The following STXBP5L variants were observed in gnomAD, a reference collection of about 807,000 sequenced individuals.
The protein encoded by STXBP5L is syntaxin binding protein 5L, also known as syntaxin-binding protein 5-like.
In STXBP5L, 65 loss-of-function variants were observed where a neutral mutation model predicts 144.5. The observed-to-expected ratio is 0.45, with a 90% CI of 0.37 to 0.55. The LOEUF is 0.55. Among genes scored for constraint, STXBP5L ranks in the 20% least tolerant of loss-of-function variants. STXBP5L has a pLI of 0.00. For synonymous variants in STXBP5L, 505 were observed against 469.6 expected, an observed-to-expected ratio of 1.08 and a Z score of -0.97; for missense variants, 1,298 against 1,405.5, an observed-to-expected ratio of 0.92 and a Z score of 1.22.
At chr3:121,187,505 A>G (rs960862999) in intron 9 of STXBP5L, among the ~76,000 whole-genome samples, 3 of 151,924 alleles carry the variant, frequency 2.0e-5, no homozygotes, top group African/African-American at 4.8e-5. Context: ...ACATGTATAC[A>G]TATGTAACAA....
chr3:121,297,202 ATGTGTGTGTGTGTGTGTGTG>A (rs71133526), intron 19 of STXBP5L, among the ~76,000 whole-genome samples: 1 of 148,228 alleles, frequency 6.7e-6, no homozygotes, highest in South Asian at 2.2e-4. Context: ...TCTACATTAT[ATGTGTGTGTGTGTGTGTGTG>A]TGTGTGTGTG....
intron 20 of STXBP5L, among the ~76,000 whole-genome samples, chr3:121,340,190 T>C (rs1367116752): frequency 6.6e-6 from 1 of 152,118 alleles, no homozygotes; most frequent in Non-Finnish European, 1.5e-5. Context: ...AAGATGTTAC[T>C]GGTATAAAAG....
At chr3:120,953,250 A>G (rs1346088677) in intron 2 of STXBP5L, among the ~76,000 whole-genome samples, 1 of 152,088 alleles carries the variant, frequency 6.6e-6, no homozygotes, top group East Asian at 1.9e-4. Context: ...ACTCATTATA[A>G]ATAAGCAGCA....
intron 3 of STXBP5L, among the ~76,000 whole-genome samples, chr3:121,033,216 A>G (rs1946498133): frequency 7.0e-6 from 1 of 142,270 alleles, no homozygotes; most frequent in South Asian, 2.4e-4. Flanking sequence ...TGTGGCACAT[A>G]TACACCATGG....
chr3:121,301,796 G>C (rs1414111305), intron 19 of STXBP5L, among the ~76,000 whole-genome samples: 2 of 152,156 alleles, frequency 1.3e-5, no homozygotes, highest in Admixed American at 6.5e-5. Context: ...TGCATCTATT[G>C]AGATAATCAT....
chr3:121,190,447 C>T (rs1252253772), intron 9 of STXBP5L, among the ~76,000 whole-genome samples: 1 of 152,266 alleles, frequency 6.6e-6, no homozygotes. Flanking sequence ...TCTCCTATGT[C>T]TACCCCCTTC....
chr3:121,030,036 T>A (rs1406982660), intron 3 of STXBP5L, among the ~76,000 whole-genome samples: 1 of 152,104 alleles, frequency 6.6e-6, no homozygotes, highest in Non-Finnish European at 1.5e-5. Context: ...CGACAGAAGC[T>A]GGAGAGGATG....
intron 11 of STXBP5L, 107 bp from the exon 12 acceptor site, chr3:121,233,509 C>T: frequency 1.3e-6 from 1 of 745,650 alleles, no homozygotes; most frequent in Admixed American, 3.5e-5. Context: ...GTTTGGTCTT[C>T]TCACATCATT....
Position 121,231,963 on chromosome 3 carries a change from T to A in STXBP5L, c.1112-1653T>A, listed in dbSNP as rs375850210. On this transcript the variant is annotated intron_variant, in intron 11 of 26. Transcript: ENST00000471454. ...GGAGCAAACAGACAAGGCTCAAACT[T>A]GTCCCTGCAAGCTTCAGACATCTTT... is the stretch of plus-strand genomic sequence containing the variant. 9.9e-5 allele frequency among the ~76,000 whole-genome samples: 15 copies of A among 152,260 alleles called. 1 individual carries two copies. The East Asian group carries it at 2.3e-3, about 24-fold the overall frequency.
chr3:121,192,910 G>A (rs899985823), intron 9 of STXBP5L, among the ~76,000 whole-genome samples: 1 of 152,044 alleles, frequency 6.6e-6, no homozygotes, highest in Admixed American at 6.6e-5. Flanking sequence ...ACATAGGCAT[G>A]GGCAAGGACT....
intron 5 of STXBP5L, among the ~76,000 whole-genome samples, chr3:121,052,135 C>G (rs1017581749): frequency 5.9e-5 from 9 of 152,116 alleles, no homozygotes; most frequent in Non-Finnish European, 1.2e-4. Context: ...GATTCACAAC[C>G]GAATTCTACC....
intron 8 of STXBP5L, among the ~76,000 whole-genome samples, chr3:121,155,590 G>A (rs762254664): frequency 6.6e-5 from 10 of 151,600 alleles, no homozygotes; most frequent in Non-Finnish European, 1.5e-4. Flanking sequence ...TGGATTAGTT[G>A]TATTATATTT....
chr3:121,306,489 G>A (rs537200174), intron 19 of STXBP5L, among the ~76,000 whole-genome samples: 9 of 152,260 alleles, frequency 5.9e-5, no homozygotes, highest in African/African-American at 1.9e-4. Flanking sequence ...GAGAAGACCA[G>A]AGGATACCAC....
chr3:121,096,458 C>T (rs1236677826), intron 5 of STXBP5L, among the ~76,000 whole-genome samples: 2 of 152,158 alleles, frequency 1.3e-5, no homozygotes, highest in African/African-American at 4.8e-5. Context: ...GAATTTTCAG[C>T]CACTTTGCAC....
chr3:121,209,935 T>A (rs2048490706), intron 10 of STXBP5L, among the ~76,000 whole-genome samples: 1 of 152,226 alleles, frequency 6.6e-6, no homozygotes, highest in South Asian at 2.1e-4. Context: ...TTATAATCCT[T>A]TGGGTATATA....
chr3:121,314,872 A>T (rs543986404), intron 19 of STXBP5L, among the ~76,000 whole-genome samples: 46 of 152,242 alleles, frequency 3.0e-4, no homozygotes, highest in Non-Finnish European at 6.2e-4. Flanking sequence ...CAGCCAAAAG[A>T]CACATGAAAA....
At chr3:120,996,328 T>G (rs1428465811) in intron 3 of STXBP5L, among the ~76,000 whole-genome samples, 1 of 151,954 alleles carries the variant, frequency 6.6e-6, no homozygotes, top group Non-Finnish European at 1.5e-5. Context: ...TAGTTATTTT[T>G]AATTTAAAAA....
chr3:121,075,168 G>C (rs1209045869), intron 5 of STXBP5L, among the ~76,000 whole-genome samples: 1 of 152,088 alleles, frequency 6.6e-6, no homozygotes, highest in African/African-American at 2.4e-5. Context: ...GGTGGCAGGG[G>C]GTTCTGGCCA....
intron 7 of STXBP5L, among the ~76,000 whole-genome samples, chr3:121,124,269 T>A (rs973460432): frequency 1.3e-5 from 2 of 151,910 alleles, no homozygotes; most frequent in African/African-American, 2.4e-5. Context: ...CCCTTTTCTT[T>A]TTCTGAATTA....
Sources: gnomAD v4.1 joint callset for allele counts (sites outside exome capture counted in the v4.1 genomes callset) on GRCh38, gnomAD v4.1.1 for gene constraint, MANE v1.5 for transcripts, NCBI Gene and HGNC (gene_info 2026-07-23, HGNC 2026-07-21) for gene names.